SLC28A1: variants seen among roughly 807,000 people sequenced by gnomAD.
SLC28A1 encodes sodium/nucleoside cotransporter 1.
A neutral mutation model predicts 74.8 loss-of-function variants in SLC28A1; 64 were observed. The observed-to-expected ratio is 0.86, with a 90% CI of 0.70 to 1.05. The LOEUF (loss-of-function observed/expected upper bound fraction) is 1.05. Ranked by LOEUF, SLC28A1 falls within the 50% of genes least tolerant of loss-of-function variation. The probability of loss-of-function intolerance (pLI) is 0.00; values close to 1 mark genes in which losing one functional copy is unlikely to be tolerated. For synonymous variants in SLC28A1, 359 were observed against 335.0 expected, an observed-to-expected ratio of 1.07 and a Z score of -0.78; for missense variants, 828 against 822.8, an observed-to-expected ratio of 1.01 and a Z score of -0.08.
At chr15:84,968,459 G>T in the SLC28A1 span, among the ~76,000 whole-genome samples, 1 of 152,224 alleles carries the variant, frequency 6.6e-6, no homozygotes, top group Non-Finnish European at 1.5e-5. Flanking sequence ...CCTCTCCTTA[G>T]AGCTGCTTAA....
Position 84,890,484 on chromosome 15 carries a change from G to C in SLC28A1, c.227G>C (p.Arg76Thr), listed in dbSNP as rs1310721981. 6.2e-7 allele frequency: 1 copy of C among 1,611,184 alleles called. No homozygotes were observed. Among genetic ancestry groups the C allele is most frequent in the Non-Finnish European group, 8.5e-7 (1 of 1,179,682 alleles). The change falls in exon 5 of 19, where the codon AGG (arginine) becomes ACG (threonine). Residue 76 changes from arginine (R) to threonine (T), a missense_variant. By Grantham distance (71) the Arg-to-Thr change is moderately conservative. This residue lies in a region of SLC28A1 where 767 missense variants were observed against 753.5 expected (regional missense o/e 1.02). Coordinates refer to ENST00000394573, the MANE Select transcript of SLC28A1 (RefSeq NM_004213.5). ...GCCCTGAGAGCCAGAAGCTTCTGCAGGGAGCACATGCAGCTGTTTCGATGG... is the reference window on the plus strand; with the variant it reads ...GCCCTGAGAGCCAGAAGCTTCTGCACGGAGCACATGCAGCTGTTTCGATGG... ...QPALRARSFC[R>T]EHMQLFRWIG...
Position 84,935,151 on chromosome 15 carries a change from C to T in SLC28A1, c.1340C>T (p.Ser447Phe). 1 of 1,614,062 alleles carries T rather than the reference C, an allele frequency of 6.2e-7. No homozygotes were observed. Among genetic ancestry groups the T allele is most frequent in the Admixed American group, 1.7e-5 (1 of 60,026 alleles). Reference sequence around the variant, plus strand: ...CTGGACTTTATCAATGCTGCCCTCTCCTGGCTGGGAGACATGGTGGACATC... The same window carrying T: ...CTGGACTTTATCAATGCTGCCCTCTTCTGGCTGGGAGACATGGTGGACATC... The part of the protein sequence containing the change: ...AVLDFINAAL[S>F]WLGDMVDIQG... Residue 447 changes from serine to phenylalanine, a missense_variant, in exon 14 of 19, where the codon TCC becomes TTC. Transcript: ENST00000394573.
intron 2 of SLC28A1, among the ~76,000 whole-genome samples, chr15:84,887,184 A>G (rs994474042): frequency 2.0e-5 from 3 of 152,268 alleles, no homozygotes; most frequent in African/African-American, 7.2e-5. Flanking sequence ...AAAGTAGAAT[A>G]CACTGAAGAT....
Position 84,942,595 on chromosome 15 carries a change from C to T in SLC28A1, c.1582-850C>T, listed in dbSNP as rs149149074. Among the ~76,000 whole-genome samples the T allele has an allele frequency of 9.7e-3, 1,473 of 152,242 alleles. 24 individuals carry two copies. The highest frequency in any genetic ancestry group is 0.033 in the African/African-American group (1,377 of 41,536). ...GGCAACTACTATTATTCCCCTATTC[C>T]AGACAGGAAAACTGACACTGAAAGA... is the stretch of plus-strand genomic sequence containing the variant. On this transcript the variant is annotated intron_variant, in intron 15 of 18. Transcript: ENST00000394573.
chr15:84,963,416 A>G, the SLC28A1 span, among the ~76,000 whole-genome samples: 1 of 152,124 alleles, frequency 6.6e-6, no homozygotes, highest in Admixed American at 6.5e-5. Flanking sequence ...GGCTGTTAGA[A>G]TATTCCCTCA....
chr15:84,901,667 T>C (rs535530236), intron 6 of SLC28A1, among the ~76,000 whole-genome samples: 1 of 152,234 alleles, frequency 6.6e-6, no homozygotes, highest in Non-Finnish European at 1.5e-5. Context: ...AAAGAGATAT[T>C]ACCATATGCT....
the SLC28A1 span, among the ~76,000 whole-genome samples, chr15:84,951,898 A>G: frequency 6.6e-6 from 1 of 152,210 alleles, no homozygotes. Flanking sequence ...AAAGTTTTCC[A>G]ATTTAGCTTC....
chr15:84,891,773 C>T (rs1965397984), intron 5 of SLC28A1, among the ~76,000 whole-genome samples: 1 of 152,150 alleles, frequency 6.6e-6, no homozygotes, highest in South Asian at 2.1e-4. Context: ...GTGTAAATGG[C>T]TTTTTGGATC....
chr15:84,912,797 T>TGCGCGCGCGCGTGTGC (rs148740007), intron 9 of SLC28A1, among the ~76,000 whole-genome samples: 2 of 118,174 alleles, frequency 1.7e-5, no homozygotes, highest in African/African-American at 6.6e-5. Context: ...TGCCAAATTT[T>TGCGCGCGCGCGTGTGC]GCGCGCGCGC....
At chr15:84,972,592 T>TCTAGCCA in the SLC28A1 span, among the ~76,000 whole-genome samples, 1 of 152,186 alleles carries the variant, frequency 6.6e-6, no homozygotes, top group Non-Finnish European at 1.5e-5. Context: ...TCTCAATACT[T>TCTAGCCA]CTAGCCACAG....
At chr15:84,949,321 A>T (rs894444836), downstream of SLC28A1, among the ~76,000 whole-genome samples, 3 of 152,222 alleles carry the variant, frequency 2.0e-5, no homozygotes, top group Non-Finnish European at 4.4e-5. Context: ...TGATGAGACT[A>T]AAGATTGGAT....
downstream of SLC28A1, among the ~76,000 whole-genome samples, chr15:84,947,793 A>G (rs189837014): frequency 4.5e-4 from 69 of 152,150 alleles, no homozygotes; most frequent in Admixed American, 1.9e-3. Flanking sequence ...CCCCCCTCCT[A>G]ATACCTTCAC....
At chr15:84,890,644 G>A in intron 5 of SLC28A1, 110 bp downstream of exon 5, 1 of 914,144 alleles carries the variant, frequency 1.1e-6, no homozygotes, top group Non-Finnish European at 1.7e-6. Flanking sequence ...TGGTTGTTGA[G>A]CACCAACTCA....
intron 5 of SLC28A1, 115 bp downstream of exon 5, chr15:84,890,649 A>T (rs1406643691): frequency 1.1e-6 from 1 of 874,032 alleles, no homozygotes; most frequent in Non-Finnish European, 1.8e-6. Flanking sequence ...GTTGAGCACC[A>T]ACTCAGGTCC....
chr15:84,926,543 GA>G (rs1388293174), intron 12 of SLC28A1: 1 of 455,074 alleles, frequency 2.2e-6, no homozygotes, highest in African/African-American at 2.0e-5. Flanking sequence ...GATCCAGCTA[GA>G]AAAATTGTGA....
intron 7 of SLC28A1, among the ~76,000 whole-genome samples, chr15:84,905,203 T>G (rs2141779757): frequency 6.6e-6 from 1 of 152,258 alleles, no homozygotes; most frequent in African/African-American, 2.4e-5. Flanking sequence ...CAGAGTAGTC[T>G]GGTGCTGATC....
chr15:84,891,803 G>A (rs531557787), intron 5 of SLC28A1, among the ~76,000 whole-genome samples: 12 of 152,288 alleles, frequency 7.9e-5, no homozygotes, highest in South Asian at 6.2e-4. Context: ...GAGATCAGGC[G>A]GGGAGGCTGA....
In SLC28A1 at chr15:84,928,616, T is replaced by TTTC. The variant is rs1555453941; in HGVS notation, c.1083+4508_1083+4509insCTT. On this transcript the variant is annotated intron_variant, in intron 12 of 18. Transcript: ENST00000394573. ...TTTCTTTCTTTCTTTTCTTTCTTTC[T>TTTC]TTTCTTTCTTTCTTTCTTTTTTTTT... Among the ~76,000 whole-genome samples, 4 of 4,570 alleles carry TTTC rather than the reference T, an allele frequency of 8.8e-4. 1 individual carries two copies. The highest frequency in any genetic ancestry group is 1.9e-3 in the African/African-American group (1 of 518). The allele number at this position is 4,570 out of a possible 152,430, so 3.0% of individuals were successfully genotyped here. A position where few individuals can be genotyped will look rare whatever the true frequency, so the allele number is the denominator to read the frequency against.
At chr15:84,961,499 T>TATTTA in the SLC28A1 span, 1 of 452,344 alleles carries the variant, frequency 2.2e-6, no homozygotes, top group African/African-American at 2.0e-5. Context: ...ACCTGGCTAA[T>TATTTA]ATTTTATTTT....
Sources: allele counts gnomAD v4.1 joint callset (sites outside exome capture counted in the v4.1 genomes callset), GRCh38; gene constraint gnomAD v4.1.1; regional missense constraint gnomAD v4.1.1; transcripts MANE v1.5; gene names NCBI Gene and HGNC (gene_info 2026-07-23, HGNC 2026-07-21).